Variants in MYO5A observed in about 807,000 individuals in gnomAD.
The protein encoded by MYO5A is unconventional myosin-Va.
In MYO5A, 98 loss-of-function variants were observed where a neutral mutation model predicts 249.7. The ratio of observed to expected loss-of-function variants is 0.39; its 90% CI spans 0.33 to 0.46. MYO5A has a LOEUF of 0.46. Ranked by LOEUF, MYO5A falls within the 20% of genes least tolerant of loss-of-function variation. MYO5A has a pLI of 0.98. For synonymous variants in MYO5A, 778 were observed against 810.6 expected (o/e 0.96, Z 0.68); for missense variants, 1,696 against 2,308.8 (o/e 0.73, Z 5.44).
At chr15:52,388,960 T>C (rs912058884) in intron 13 of MYO5A, among the ~76,000 whole-genome samples, 6 of 152,048 alleles carry the variant, frequency 3.9e-5, no homozygotes, top group Non-Finnish European at 7.4e-5. Context: ...CTCATGTTAA[T>C]TCAGATCAGA....
chr15:52,317,229 A>G lies in MYO5A; in HGVS notation c.5235-7T>C, dbSNP rs373492261. The G allele has an allele frequency of 2.5e-6, 4 of 1,613,404 alleles. No individual in the cohort carries two copies. The highest frequency in any genetic ancestry group is 3.4e-6 in the Non-Finnish European group (4 of 1,179,938). On this transcript the variant is annotated splice_polypyrimidine_tract_variant and splice_region_variant and intron_variant, in intron 39 of 41. Transcript: ENST00000399233. ...CAGTTGACTGACATTGTACCTATGA[A>G]AAAAAAGAGATACAGAGAATGCAAA...
At chr15:52,460,762 C>A (rs936847327) in intron 1 of MYO5A, among the ~76,000 whole-genome samples, 1 of 151,990 alleles carries the variant, frequency 6.6e-6, no homozygotes, top group Non-Finnish European at 1.5e-5. Flanking sequence ...TTTCTCCCCC[C>A]ACCCCAAAAC....
chr15:52,478,444 A>C (rs960306405), intron 1 of MYO5A, among the ~76,000 whole-genome samples: 2 of 152,114 alleles, frequency 1.3e-5, no homozygotes, highest in Non-Finnish European at 2.9e-5. Flanking sequence ...GACAAGCCCC[A>C]GTGAGATGAA....
intron 22 of MYO5A, among the ~76,000 whole-genome samples, 162 bp from the exon 23 acceptor site, chr15:52,367,286 C>A (rs1469901165): frequency 6.6e-6 from 1 of 152,196 alleles, no homozygotes; most frequent in Non-Finnish European, 1.5e-5. Flanking sequence ...TCAAGCATTA[C>A]TCCCTCCCAA....
intron 30 of MYO5A, among the ~76,000 whole-genome samples, chr15:52,345,384 C>T (rs2039570195): frequency 1.3e-5 from 2 of 151,892 alleles, no homozygotes; most frequent in South Asian, 2.1e-4. Flanking sequence ...GAGCTCGGGA[C>T]GACCCTGGCC....
chr15:52,410,312 A>T (rs1243150813), intron 6 of MYO5A, 21 bp downstream of exon 6: 2 of 1,606,822 alleles, frequency 1.2e-6, no homozygotes, highest in Non-Finnish European at 1.7e-6. Context: ...ACAAGTGCAT[A>T]TGTGTATATG....
intron 1 of MYO5A, among the ~76,000 whole-genome samples, chr15:52,485,159 T>C (rs1294783351): frequency 6.6e-6 from 1 of 151,902 alleles, no homozygotes; most frequent in East Asian, 1.9e-4. Flanking sequence ...TTCTAAACAA[T>C]TTTCAACTAA....
chr15:52,396,790 G>T (rs1273551708), intron 10 of MYO5A, among the ~76,000 whole-genome samples: 3 of 152,078 alleles, frequency 2.0e-5, no homozygotes, highest in Non-Finnish European at 4.4e-5. Context: ...GATCCTACAG[G>T]TTCTTTTGAA....
intron 12 of MYO5A, among the ~76,000 whole-genome samples, chr15:52,390,859 C>T (rs901053605): frequency 1.3e-5 from 2 of 152,080 alleles, no homozygotes; most frequent in Non-Finnish European, 2.9e-5. Context: ...CATGCCCGGC[C>T]TTCTTTAACT....
At chr15:52,493,449 G>A (rs1366341766) in intron 1 of MYO5A, among the ~76,000 whole-genome samples, 3 of 152,058 alleles carry the variant, frequency 2.0e-5, no homozygotes, top group African/African-American at 7.2e-5. Flanking sequence ...GATCACTTGA[G>A]GTCAGGAGTT....
At chr15:52,329,842 G>A (rs1374686499) in intron 35 of MYO5A, among the ~76,000 whole-genome samples, 1 of 150,060 alleles carries the variant, frequency 6.7e-6, no homozygotes, top group Non-Finnish European at 1.5e-5. Context: ...GGGCTTACAT[G>A]ATCCTCCCAT....
Position 52,321,484 on chromosome 15 carries a change from C to T in MYO5A, c.4826G>A (p.Arg1609His), listed in dbSNP as rs746447077. 10 of 1,614,038 alleles carry T rather than the reference C, an allele frequency of 6.2e-6. No individual in the cohort carries two copies. Among genetic ancestry groups the T allele is most frequent in the East Asian group, 2.2e-5 (1 of 44,896 alleles). ...ATTGGTGAGGCAGTGTTCATTCTGG[C>T]GAGATGTGTTGTGCTTCATAAAGCC... ...EEGFMKHNTS[R>H]QNEHCLTNFD... is the part of the protein sequence containing the mutation. The change falls in exon 38 of 42, where the codon CGC becomes CAC. Residue 1609 changes from arginine to histidine, a missense_variant. This residue lies in a region of MYO5A where 625 missense variants were observed against 908.1 expected (regional missense o/e 0.69). Coordinates refer to ENST00000399233, the MANE Select transcript of MYO5A (RefSeq NM_001382347.1).
At chr15:52,440,048 A>G (rs1278947189) in intron 1 of MYO5A, among the ~76,000 whole-genome samples, 1 of 152,250 alleles carries the variant, frequency 6.6e-6, no homozygotes, top group Non-Finnish European at 1.5e-5. Flanking sequence ...TCCTTCCACA[A>G]TACAATTTAA....
chr15:52,499,842 T>A (rs920088539), intron 1 of MYO5A, among the ~76,000 whole-genome samples: 5 of 152,332 alleles, frequency 3.3e-5, no homozygotes, highest in African/African-American at 1.2e-4. Flanking sequence ...CTTTTGGGTA[T>A]ATTCCCAGAA....
intron 2 of MYO5A, among the ~76,000 whole-genome samples, chr15:52,429,581 C>T (rs1265158564): frequency 1.3e-5 from 2 of 152,060 alleles, no homozygotes; most frequent in South Asian, 2.1e-4. Flanking sequence ...TCCAAATACT[C>T]GGGAGGCTGA....
intron 13 of MYO5A, among the ~76,000 whole-genome samples, chr15:52,388,326 G>T (rs926104652): frequency 6.6e-6 from 1 of 152,230 alleles, no homozygotes; most frequent in Non-Finnish European, 1.5e-5. Context: ...ACAAATGAGT[G>T]TCTGATGGGG....
chr15:52,329,541 T>A (rs1567024198), intron 35 of MYO5A, among the ~76,000 whole-genome samples: 2 of 152,242 alleles, frequency 1.3e-5, no homozygotes, highest in Admixed American at 6.5e-5. Flanking sequence ...TCTTCCACTC[T>A]CATCTCATTT....
At chr15:52,377,824 G>A (rs1249954573) in intron 18 of MYO5A, among the ~76,000 whole-genome samples, 1 of 152,046 alleles carries the variant, frequency 6.6e-6, no homozygotes, top group East Asian at 1.9e-4. Flanking sequence ...GCCCGCCACG[G>A]CCTCCAAAAG....
At chr15:52,330,096 A>G (rs1325234809) in intron 35 of MYO5A, among the ~76,000 whole-genome samples, 1 of 151,552 alleles carries the variant, frequency 6.6e-6, no homozygotes, top group African/African-American at 2.4e-5. Flanking sequence ...CAAAGCTTCC[A>G]GGTGATTCTA....
Sources: gnomAD v4.1 joint callset for allele counts (sites outside exome capture counted in the v4.1 genomes callset) on GRCh38, gnomAD v4.1.1 for gene constraint, gnomAD v4.1.1 regional missense constraint, MANE v1.5 for transcripts, NCBI Gene and HGNC (gene_info 2026-07-23, HGNC 2026-07-21) for gene names.